The following ZNF789 variants were observed in gnomAD, a reference collection of about 807,000 sequenced individuals.
ZNF789 encodes zinc finger protein 789.
In ZNF789, 11 loss-of-function variants were observed where a neutral mutation model predicts 15.6. The observed-to-expected ratio is 0.70, with a 90% CI of 0.44 to 1.16. ZNF789 has a LOEUF of 1.16. Among genes scored for constraint, ZNF789 ranks in the 50% most tolerant of loss-of-function variants. ZNF789 has a pLI of 0.00. For synonymous variants in ZNF789, 159 were observed against 176.0 expected (o/e 0.90, Z 0.76); for missense variants, 461 against 512.6 (o/e 0.90, Z 0.97).
At chr7:99,485,213 C>T in intron 4 of ZNF789, 1 of 1,536,036 alleles carries the variant, frequency 6.5e-7, no homozygotes, top group South Asian at 1.2e-5. Context: ...TGCAGCTGCT[C>T]CTGTTTTTCA....
chr7:99,479,511 C>A, intron 2 of ZNF789, 150 bp from the exon 3 acceptor site: 2 of 898,892 alleles, frequency 2.2e-6, no homozygotes, highest in Non-Finnish European at 3.2e-6. Context: ...GGCCATCAGG[C>A]CTGAAAGGAG....
At position 99,487,034 on chromosome 7, in the gene ZNF789, A is replaced by G. The variant is rs138426407; in HGVS notation, c.824A>G (p.His275Arg). 805 of 1,614,118 alleles carry G rather than the reference A, an allele frequency of 5.0e-4. No individual in the cohort carries two copies. The highest frequency in any genetic ancestry group is 6.3e-4 in the Non-Finnish European group (748 of 1,180,042). The change falls in exon 5 of 5, where the codon CAT becomes CGT. Residue 275 changes from histidine (H) to arginine (R), a missense_variant. Coordinates refer to ENST00000331410, the MANE Select transcript of ZNF789 (RefSeq NM_213603.3). ...CFRQLAYLVE[H>R]KRIHTKEKPY... ...CGGCAGCTCGCGTATCTTGTTGAACATAAGAGGATTCACACCAAAGAAAAA... is the reference window on the plus strand; with the variant it reads ...CGGCAGCTCGCGTATCTTGTTGAACGTAAGAGGATTCACACCAAAGAAAAA...
chr7:99,479,936 C>A, intron 3 of ZNF789, 149 bp downstream of exon 3: 2 of 1,078,770 alleles, frequency 1.9e-6, no homozygotes, highest in Non-Finnish European at 2.6e-6. Context: ...CCTGACCAGA[C>A]ATCACCACAG....
intron 3 of ZNF789, among the ~76,000 whole-genome samples, chr7:99,483,322 ATAAATT>A (rs1436671780): frequency 6.6e-6 from 1 of 151,794 alleles, no homozygotes; most frequent in Non-Finnish European, 1.5e-5. Flanking sequence ...AAATAAATAA[ATAAATT>A]TATAAATAAA....
intron 2 of ZNF789, chr7:99,478,141 C>T: frequency 2.2e-6 from 1 of 458,530 alleles, no homozygotes; most frequent in Non-Finnish European, 3.6e-6. Flanking sequence ...ATTCAAGGAC[C>T]TGCTGCTGTA....
At chr7:99,479,572 C>T in intron 2 of ZNF789, 89 bp from the exon 3 acceptor site, 2 of 1,467,110 alleles carry the variant, frequency 1.4e-6, no homozygotes, top group Non-Finnish European at 1.8e-6. Context: ...CACTCTACCT[C>T]CCAAACCTTG....
intron 3 of ZNF789, chr7:99,480,402 A>T (rs972623233): frequency 6.6e-6 from 1 of 152,310 alleles, no homozygotes; most frequent in Non-Finnish European, 1.5e-5. Context: ...ATGATACGTT[A>T]TGTAAAATAT....
intron 4 of ZNF789, among the ~76,000 whole-genome samples, chr7:99,486,275 A>G (rs957945766): frequency 1.3e-5 from 2 of 152,138 alleles, no homozygotes; most frequent in Non-Finnish European, 2.9e-5. Flanking sequence ...CTATCATGCC[A>G]CTGCACTCTA....
chr7:99,476,843 C>T (rs895143610), intron 2 of ZNF789, among the ~76,000 whole-genome samples: 1 of 152,170 alleles, frequency 6.6e-6, no homozygotes, highest in African/African-American at 2.4e-5. Flanking sequence ...TTATTGTGCA[C>T]CTACTGCTGT....
rs1291239335 is a variant in ZNF789, at chr7:99,486,604, T to C, written c.394T>C (p.Cys132Arg). 1 of 1,614,156 alleles carries C rather than the reference T, an allele frequency of 6.2e-7. No individual in the cohort carries two copies. Among genetic ancestry groups the C allele is most frequent in the Non-Finnish European group, 8.5e-7 (1 of 1,180,032 alleles). The change falls in exon 5 of 5, where the codon TGT (cysteine) becomes CGT (arginine). Residue 132 changes from cysteine to arginine, a missense_variant. Cys to Arg is a radical substitution (Grantham distance 180). Transcript: ENST00000331410. Reference sequence around the variant, plus strand: ...GAAACTTTCAGAAAAGTTACATAAGTGTAAAGAATTTGTGGACAGTTGCAG... The same window carrying C: ...GAAACTTTCAGAAAAGTTACATAAGCGTAAAGAATTTGTGGACAGTTGCAG... ...AEKLSEKLHK[C>R]KEFVDSCRLT...
intron 1 of ZNF789, among the ~76,000 whole-genome samples, chr7:99,475,974 T>C (rs1799313582): frequency 6.6e-6 from 1 of 151,894 alleles, no homozygotes; most frequent in Non-Finnish European, 1.5e-5. Context: ...CCAGGTAATT[T>C]TTTGTATTTT....
chr7:99,473,789 T>G (rs1451672704), intron 1 of ZNF789, among the ~76,000 whole-genome samples: 1 of 152,122 alleles, frequency 6.6e-6, no homozygotes, highest in Non-Finnish European at 1.5e-5. Flanking sequence ...CCCGGCTAAT[T>G]TTTGTATTTT....
chr7:99,485,983 C>T (rs1217926523), intron 4 of ZNF789, among the ~76,000 whole-genome samples: 4 of 152,004 alleles, frequency 2.6e-5, no homozygotes, highest in African/African-American at 9.7e-5. Flanking sequence ...TTGTTGGTGC[C>T]GAGAGCTGTT....
rs115568577 is a variant in ZNF789 at position 99,485,081 on chromosome 7, T to A, written c.265+938T>A. On this transcript the variant is annotated intron_variant, in intron 4 of 4. Coordinates refer to ENST00000331410, the MANE Select transcript of ZNF789 (RefSeq NM_213603.3). ...CTCTTAGGGCACCCTGGATGCCCCT[T>A]GATTCCACCCTCATTACTTGTCCTC... 2,967 of 1,195,456 alleles carry A rather than the reference T, an allele frequency of 2.5e-3. 60 individuals are homozygous for A. In the African/African-American group the frequency reaches 0.042, roughly 17 times the overall value. The allele number at this position is 1,195,456 out of a possible 1,614,324, so 74.1% of individuals were successfully genotyped here.
intron 1 of ZNF789, among the ~76,000 whole-genome samples, chr7:99,473,800 T>C (rs575845052): frequency 6.6e-6 from 1 of 152,250 alleles, no homozygotes; most frequent in South Asian, 2.1e-4. Context: ...TTTGTATTTT[T>C]AGTGGAGACT....
chr7:99,486,747 C>T lies in ZNF789; in HGVS notation c.537C>T (p.Gly179=), dbSNP rs200833014. The change falls in exon 5 of 5, where the codon GGC becomes GGT. Residue 179 remains glycine (G), a synonymous_variant. Transcript: ENST00000331410. ...RWKQGRYDED[G]KPFNQRSLLL... is the part of the protein sequence containing the mutation. ...AGCAGGGCAGATATGATGAGGATGGCAAACCCTTCAATCAAAGATCTTTGC... is the reference window on the plus strand; with the variant it reads ...AGCAGGGCAGATATGATGAGGATGGTAAACCCTTCAATCAAAGATCTTTGC... The T allele has an allele frequency of 2.5e-6, 4 of 1,614,206 alleles. No individual in the cohort carries two copies. In the African/African-American group the frequency reaches 5.3e-5, roughly 22 times the overall value.
intron 3 of ZNF789, among the ~76,000 whole-genome samples, chr7:99,483,251 A>AAT (rs1193176251): frequency 6.6e-6 from 1 of 152,048 alleles, no homozygotes; most frequent in Admixed American, 6.6e-5. Flanking sequence ...TAAATAAATA[A>AAT]AAATAAAAAT....
chr7:99,478,377 G>T, intron 2 of ZNF789: 1 of 1,288,450 alleles, frequency 7.8e-7, no homozygotes, highest in African/African-American at 1.5e-5. Context: ...GCCTGCAACC[G>T]TAGCAGTGGA....
At chr7:99,478,530 A>G (rs949105660) in intron 2 of ZNF789, 1 of 440,394 alleles carries the variant, frequency 2.3e-6, no homozygotes. Context: ...CTTATAGGAC[A>G]GCGAACGTTT....
Sources: gnomAD v4.1 joint callset for allele counts (sites outside exome capture counted in the v4.1 genomes callset) on GRCh38, gnomAD v4.1.1 for gene constraint, MANE v1.5 for transcripts, NCBI Gene and HGNC (gene_info 2026-07-23, HGNC 2026-07-21) for gene names.